Variants in MTCL1 observed in about 807,000 individuals in gnomAD.
MTCL1 encodes microtubule crosslinking factor 1.
A neutral mutation model predicts 141.4 loss-of-function variants in MTCL1; 79 were observed. The observed-to-expected ratio is 0.56, with a 90% CI of 0.47 to 0.67. The LOEUF (loss-of-function observed/expected upper bound fraction) is 0.67. Among genes scored for constraint, MTCL1 ranks in the 30% least tolerant of loss-of-function variants. The pLI, the probability that MTCL1 is intolerant of heterozygous loss-of-function variation, is 0.00. For missense variants in MTCL1, 2,177 were observed against 2,113.9 expected (o/e 1.03, Z -0.59); for synonymous variants, 914 against 875.8 (o/e 1.04, Z -0.77).
chr18:8,719,648 G>A (rs768651251), intron 3 of MTCL1, among the ~76,000 whole-genome samples: 21 of 152,064 alleles, frequency 1.4e-4, no homozygotes, highest in Non-Finnish European at 2.6e-4. Flanking sequence ...CTGTTACCTC[G>A]AACTCCTGGG....
chr18:8,825,276 C>T (rs1178074741), exon 15 of MTCL1: 4 of 1,563,736 alleles, frequency 2.6e-6, no homozygotes, highest in African/African-American at 1.4e-5. Flanking sequence ...GGCACGGCGC[C>T]CCCTTGATAG....
chr18:8,776,321 A>G (rs957243602), intron 4 of MTCL1, among the ~76,000 whole-genome samples: 36 of 152,318 alleles, frequency 2.4e-4, no homozygotes, highest in South Asian at 8.3e-4. Flanking sequence ...TTAAGAGGCT[A>G]CAAATCCCTT....
chr18:8,783,523 C>T lies in MTCL1; in HGVS notation c.418-7C>T, dbSNP rs1598635408. 3.1e-6 allele frequency: 5 copies of T among 1,592,952 alleles called. No individual in the cohort carries two copies. Among genetic ancestry groups the T allele is most frequent in the Non-Finnish European group, 4.3e-6 (5 of 1,165,144 alleles). On this transcript the variant is annotated splice_polypyrimidine_tract_variant and splice_region_variant and intron_variant, in intron 5 of 16. Transcript: ENST00000359865. ...AACCCTTCTCCCGGGCTGTTCTCTCCTGGCAGGATGACAGTGCCGATTTGA... is the reference window on the plus strand; with the variant it reads ...AACCCTTCTCCCGGGCTGTTCTCTCTTGGCAGGATGACAGTGCCGATTTGA...
chr18:8,780,953 G>T (rs930007215), intron 5 of MTCL1, among the ~76,000 whole-genome samples: 1 of 152,206 alleles, frequency 6.6e-6, no homozygotes, highest in Admixed American at 6.5e-5. Context: ...GATCATCTGA[G>T]GTCAGGAGTT....
chr18:8,787,332 C>T (rs1598663240), intron 7 of MTCL1: 1 of 152,484 alleles, frequency 6.6e-6, no homozygotes, highest in South Asian at 2.1e-4. Flanking sequence ...CAGATGAAGT[C>T]TCTCATTCTG....
chr18:8,784,732 A>C (rs373557147), exon 6 of MTCL1: 1 of 1,614,204 alleles, frequency 6.2e-7, no homozygotes. Context: ...GGGATGGCCT[A>C]TCCCCCTTGC....
At chr18:8,773,485 A>G (rs1296534346) in intron 4 of MTCL1, among the ~76,000 whole-genome samples, 1 of 152,164 alleles carries the variant, frequency 6.6e-6, no homozygotes, top group Non-Finnish European at 1.5e-5. Flanking sequence ...TGTTAGAAAA[A>G]TCTTTTTTCC....
At chr18:8,804,749 T>A (rs1454885698) in intron 10 of MTCL1, among the ~76,000 whole-genome samples, 1 of 152,200 alleles carries the variant, frequency 6.6e-6, no homozygotes, top group East Asian at 1.9e-4. Context: ...AATCCCATTT[T>A]CTGAGGCTGA....
intron 4 of MTCL1, 34 bp from the exon 4 acceptor site, chr18:8,777,799 C>T (rs769815397): frequency 4.4e-6 from 7 of 1,608,322 alleles, no homozygotes; most frequent in Non-Finnish European, 6.0e-6. Context: ...CGTGTGAGCC[C>T]TTGGTCACAG....
At chr18:8,734,452 A>T (rs1334396195) in intron 4 of MTCL1, among the ~76,000 whole-genome samples, 1 of 152,004 alleles carries the variant, frequency 6.6e-6, no homozygotes, top group Admixed American at 6.5e-5. Context: ...CATCCCCGTG[A>T]AGTCTCCAGC....
chr18:8,792,878 G>A, intron 7 of MTCL1, 120 bp from the exon 7 acceptor site: 1 of 1,381,144 alleles, frequency 7.2e-7, no homozygotes, highest in Non-Finnish European at 9.9e-7. Flanking sequence ...CTGCTGCAGT[G>A]CCCACACATG....
At chr18:8,760,409 C>T (rs898294896) in intron 4 of MTCL1, among the ~76,000 whole-genome samples, 21 of 152,188 alleles carry the variant, frequency 1.4e-4, no homozygotes, top group African/African-American at 3.9e-4. Flanking sequence ...ACTTGTTAGA[C>T]GCAGATGCAA....
intron 8 of MTCL1, 61 bp downstream of exon 7, chr18:8,793,181 A>G: frequency 6.3e-7 from 1 of 1,596,798 alleles, no homozygotes; most frequent in Non-Finnish European, 8.5e-7. Flanking sequence ...CCAAAGGAGA[A>G]ATGCCACGAT....
intron 4 of MTCL1, among the ~76,000 whole-genome samples, chr18:8,742,889 C>T (rs2096312547): frequency 6.6e-6 from 1 of 152,214 alleles, no homozygotes; most frequent in African/African-American, 2.4e-5. Flanking sequence ...TACAATAATA[C>T]TGTGGACTTT....
intron 4 of MTCL1, among the ~76,000 whole-genome samples, chr18:8,774,633 G>C (rs915843385): frequency 6.6e-6 from 1 of 152,054 alleles, no homozygotes; most frequent in Non-Finnish European, 1.5e-5. Context: ...GATTACAGGC[G>C]TAAGCCACGA....
chr18:8,713,979 C>T (rs541945031), upstream of MTCL1, among the ~76,000 whole-genome samples: 2 of 152,324 alleles, frequency 1.3e-5, no homozygotes, highest in East Asian at 3.9e-4. Context: ...GATATCTTTA[C>T]CGCACGTTGC....
At chr18:8,730,632 G>C (rs1220167950) in intron 4 of MTCL1, among the ~76,000 whole-genome samples, 4 of 152,206 alleles carry the variant, frequency 2.6e-5, no homozygotes, top group Non-Finnish European at 4.4e-5. Context: ...ACGCCGGCTT[G>C]TCCCCTGTGC....
At chr18:8,831,063 T>G (rs2077177607) in intron 16 of MTCL1, 1 of 985,694 alleles carries the variant, frequency 1.0e-6, no homozygotes, top group Non-Finnish European at 1.2e-6. Flanking sequence ...TGGGAGTTTG[T>G]TTAAGCTACT....
intron 9 of MTCL1, 149 bp from the exon 9 acceptor site, chr18:8,797,947 TG>T (rs2075982775): frequency 2.5e-5 from 17 of 684,720 alleles, no homozygotes; most frequent in Non-Finnish European, 3.6e-5. Flanking sequence ...ATGAGTGAGA[TG>T]GCCAAAATGA....
Sources: gnomAD v4.1 joint callset for allele counts (sites outside exome capture counted in the v4.1 genomes callset) on GRCh38, gnomAD v4.1.1 for gene constraint, MANE v1.5 for transcripts, NCBI Gene and HGNC (gene_info 2026-07-23, HGNC 2026-07-21) for gene names.